The following POLD1 variants were observed in gnomAD, a reference collection of about 807,000 sequenced individuals.
POLD1 encodes DNA polymerase delta catalytic subunit.
A neutral mutation model predicts 129.7 loss-of-function variants in POLD1; 79 were observed. That is an observed-to-expected ratio of 0.61 (90% CI 0.51 to 0.73). The LOEUF (loss-of-function observed/expected upper bound fraction) is 0.73. Ranked by LOEUF, POLD1 falls within the 30% of genes least tolerant of loss-of-function variation. The probability of loss-of-function intolerance (pLI) is 0.00; values close to 1 mark genes in which losing one functional copy is unlikely to be tolerated. For synonymous variants in POLD1, 714 were observed against 683.3 expected (o/e 1.04, Z -0.70); for missense variants, 1,338 against 1,595.8 (o/e 0.84, Z 2.75).
chr19:50,388,749 G>A (rs1248960495), intron 1 of POLD1, among the ~76,000 whole-genome samples: 2 of 146,174 alleles, frequency 1.4e-5, no homozygotes, highest in African/African-American at 5.1e-5. Flanking sequence ...TGTACCTTTT[G>A]TCCTTTTTTT....
intron 1 of POLD1, among the ~76,000 whole-genome samples, chr19:50,390,830 C>T (rs910413469): frequency 5.3e-5 from 8 of 151,540 alleles, no homozygotes; most frequent in South Asian, 2.1e-4. Flanking sequence ...CATCTTGCAC[C>T]GCCCTTAATC....
rs1274347638 is a variant in POLD1, at chr19:50,414,982, C to G, written c.2556C>G (p.Leu852=). The change falls in exon 20 of 27, where the codon CTC becomes CTG. Residue 852 remains leucine, a synonymous_variant. Transcript: ENST00000440232. ...TCACTGCCTCACTGCGCCGCCTGCT[C>G]ATCGACCGGTGTGTGGGGCCTCCTC... ...NLVTASLRRL[L]IDRDPEGAVA... 1 of 1,581,446 alleles carries G rather than the reference C, an allele frequency of 6.3e-7. No homozygotes were observed. The highest frequency in any genetic ancestry group is 1.8e-5 in the Admixed American group (1 of 56,052).
In POLD1 at chr19:50,395,256, A is replaced by G. The variant is rs924250398; in HGVS notation, c.-1-3595A>G. ...GTGGCTGGGTACAGGTACTTTTTAA[A>G]AACTTCTTTCTCTGACAATTTCAAA... On this transcript the variant is annotated intron_variant, in intron 1 of 26. Coordinates refer to ENST00000440232, the MANE Select transcript of POLD1 (RefSeq NM_002691.4). 1.1e-4 allele frequency: 16 copies of G among 141,000 alleles called. 1 individual carries two copies. Among genetic ancestry groups the G allele is most frequent in the African/African-American group, 4.7e-4 (16 of 34,094 alleles). 8.7% of individuals were successfully genotyped at this position (141,000 alleles called of 1,614,324 possible).
intron 1 of POLD1, among the ~76,000 whole-genome samples, chr19:50,392,980 CAT>C (rs953852104): frequency 1.3e-5 from 2 of 152,208 alleles, no homozygotes; most frequent in African/African-American, 4.8e-5. Flanking sequence ...ACGGACTTAA[CAT>C]ATTTAAATAG....
At chr19:50,404,133 C>T (rs1240965640) in intron 10 of POLD1, among the ~76,000 whole-genome samples, 1 of 152,202 alleles carries the variant, frequency 6.6e-6, no homozygotes, top group African/African-American at 2.4e-5. Flanking sequence ...TGTCAGCGGG[C>T]CTGCTTCCTT....
intron 9 of POLD1, 131 bp from the exon 10 acceptor site, chr19:50,403,361 AT>A: frequency 1.8e-6 from 2 of 1,118,466 alleles, no homozygotes; most frequent in Non-Finnish European, 2.6e-6. Flanking sequence ...CCCCTGTGCA[AT>A]TAGGCTTGAG....
chr19:50,398,658 T>TGCA (rs1249690475), intron 1 of POLD1, among the ~76,000 whole-genome samples, 193 bp from the exon 2 acceptor site: 1 of 150,978 alleles, frequency 6.6e-6, no homozygotes, highest in Non-Finnish European at 1.5e-5. Flanking sequence ...GGGCTGCTGC[T>TGCA]GCAGTAGCTA....
chr19:50,406,045 C>A lies in POLD1; in HGVS notation c.1243-137C>A, dbSNP rs1480760495. 2.0e-6 allele frequency: 2 copies of A among 990,730 alleles called. No homozygotes were observed. The highest frequency in any genetic ancestry group is 1.6e-5 in the African/African-American group (1 of 61,754). 61.4% of individuals were successfully genotyped at this position (990,730 alleles called of 1,614,324 possible). On this transcript the variant is annotated intron_variant, in intron 10 of 26. Transcript: ENST00000440232. This position sits in a 1 kb window ranked among gnomAD's most constrained non-coding sequence, Gnocchi z 5.5. ...CCAGCCACCCACACCCAGCCCCAGACCGTCTTTCTGCCCCCAGGGTTGCTC... is the reference window on the plus strand; with the variant it reads ...CCAGCCACCCACACCCAGCCCCAGAACGTCTTTCTGCCCCCAGGGTTGCTC...
Position 50,403,163 on chromosome 19 carries a change from G to A in POLD1, c.1081G>A (p.Ala361Thr). 1 of 1,562,280 alleles carries A rather than the reference G, an allele frequency of 6.4e-7. No homozygotes were observed. The highest frequency in any genetic ancestry group is 8.7e-7 in the Non-Finnish European group (1 of 1,152,984). ...LRLALTLRPC[A>T]PILGAKVQSY... ...CCTGGCGCTCACCCTGCGGCCCTGTGCCCCCATCCTGGGTGCCAAGGTGCA... is the reference window on the plus strand; with the variant it reads ...CCTGGCGCTCACCCTGCGGCCCTGTACCCCCATCCTGGGTGCCAAGGTGCA... The change falls in exon 9 of 27, where the codon GCC becomes ACC. Residue 361 changes from alanine to threonine, a missense_variant. Ala to Thr is a moderately conservative substitution (Grantham distance 58, BLOSUM62 0). Transcript: ENST00000440232.
intron 10 of POLD1, among the ~76,000 whole-genome samples, chr19:50,405,532 C>T (rs1428700742): frequency 6.6e-6 from 1 of 152,172 alleles, no homozygotes; most frequent in African/African-American, 2.4e-5. Flanking sequence ...AGTTCAAGAC[C>T]AGCCAGGGCA....
chr19:50,408,023 A>C (rs112592377), intron 14 of POLD1, among the ~76,000 whole-genome samples: 12,239 of 135,536 alleles, frequency 0.09, 1,582 homozygotes, highest in African/African-American at 0.29. Flanking sequence ...GCGACAGAGC[A>C]ACACCCCGGC....
rs1328053279 is a variant in POLD1, at chr19:50,409,163, A to G, written c.1934A>G (p.Glu645Gly). The change falls in exon 16 of 27, where the codon GAG becomes GGG. Residue 645 changes from glutamate to glycine, a missense_variant. By Grantham distance (98) the Glu-to-Gly change is moderately conservative. Coordinates refer to ENST00000440232, the MANE Select transcript of POLD1 (RefSeq NM_002691.4). This position sits in a 1 kb window ranked among gnomAD's most constrained non-coding sequence, Gnocchi z 5.8. Reference sequence around the variant, plus strand: ...TTCATCAGGACCCCCACCGGGGACGAGTTTGTGAAGACCTCAGTGCGGAAG... The same window carrying G: ...TTCATCAGGACCCCCACCGGGGACGGGTTTGTGAAGACCTCAGTGCGGAAG... ...DQFIRTPTGD[E>G]FVKTSVRKGL... 3 of 1,613,646 alleles carry G rather than the reference A, an allele frequency of 1.9e-6. No individual in the cohort carries two copies. The highest frequency in any genetic ancestry group is 2.5e-6 in the Non-Finnish European group (3 of 1,179,822).
intron 21 of POLD1, 49 bp from the exon 22 acceptor site, chr19:50,415,675 C>T (rs1343733152): frequency 4.1e-6 from 6 of 1,453,164 alleles, no homozygotes; most frequent in South Asian, 2.5e-5. Context: ...TCGCCCCCAC[C>T]CCCGCCACCC....
chr19:50,396,166 A>C (rs1357350380), intron 1 of POLD1, among the ~76,000 whole-genome samples: 4 of 149,834 alleles, frequency 2.7e-5, no homozygotes, highest in Admixed American at 2.7e-4. Context: ...GGCTCACTGC[A>C]ACCTCCACCT....
rs1346891534 is a variant in POLD1 at position 50,406,781 on chromosome 19, T to C, written c.1495-202T>C. On this transcript the variant is annotated intron_variant, in intron 12 of 26. Transcript: ENST00000440232. This position sits in a 1 kb window ranked among gnomAD's most constrained non-coding sequence, Gnocchi z 5.5. ...CGGTGGCCTTCAGGCTGCTCCCTCC[T>C]CCTCCCTCTGGCCCTGTGGACTCCC... 2.0e-5 allele frequency among the ~76,000 whole-genome samples: 3 copies of C among 151,668 alleles called. No homozygotes were observed. The highest frequency in any genetic ancestry group is 4.4e-5 in the Non-Finnish European group (3 of 67,902).
intron 17 of POLD1, among the ~76,000 whole-genome samples, chr19:50,412,973 C>T (rs1250940599): frequency 6.6e-6 from 1 of 152,096 alleles, no homozygotes; most frequent in South Asian, 2.1e-4. Flanking sequence ...GGTGGTGCCA[C>T]CCCCTGCTCT....
chr19:50,404,278 T>C (rs76058110), intron 10 of POLD1, among the ~76,000 whole-genome samples: 1 of 150,744 alleles, frequency 6.6e-6, no homozygotes, highest in Non-Finnish European at 1.5e-5. Context: ...TTTTTTTTTT[T>C]CCAAGACAAA....
rs1601204001 is a variant in POLD1, at chr19:50,403,063, T to C, written c.981T>C (p.Pro327=). 1.3e-6 allele frequency: 2 copies of C among 1,559,502 alleles called. No homozygotes were observed. Among genetic ancestry groups the C allele is most frequent in the Non-Finnish European group, 1.7e-6 (2 of 1,151,288 alleles). Residue 327 remains proline, a synonymous_variant, in exon 9 of 27, where the codon CCT becomes CCC. Coordinates refer to ENST00000440232, the MANE Select transcript of POLD1 (RefSeq NM_002691.4). ...IECAGRKGIF[P]EPERDPVIQI... The stretch of plus-strand genomic sequence containing the variant: ...CCTCCTGCCTCGCAGGCATCTTCCC[T>C]GAGCCTGAGCGGGACCCTGTCATCC...
chr19:50,393,052 C>T (rs775302841), intron 1 of POLD1, among the ~76,000 whole-genome samples: 12 of 152,290 alleles, frequency 7.9e-5, no homozygotes, highest in Non-Finnish European at 1.3e-4. Flanking sequence ...ACGATGCTTC[C>T]GGAAATAACC....
Sources: allele counts gnomAD v4.1 joint callset (sites outside exome capture counted in the v4.1 genomes callset), GRCh38; gene constraint gnomAD v4.1.1; non-coding constraint Gnocchi (gnomAD v3.1); transcripts MANE v1.5; gene names NCBI Gene and HGNC (gene_info 2026-07-23, HGNC 2026-07-21).